The following MYO7B variants were observed in gnomAD, a reference collection of about 807,000 sequenced individuals.
MYO7B encodes myosin VIIB.
MYO7B carries 212 observed loss-of-function variants against 259.7 expected under a neutral mutation model. That is an observed-to-expected ratio of 0.82 (90% CI 0.73 to 0.91). The LOEUF (loss-of-function observed/expected upper bound fraction) is 0.91. MYO7B is among the 40% of genes least tolerant of loss of function. The pLI is 0.00. For synonymous variants in MYO7B, 1,197 were observed against 1,166.4 expected (o/e 1.03, Z -0.54); for missense variants, 2,732 against 2,813.5 (o/e 0.97, Z 0.66).
intron 15 of MYO7B, among the ~76,000 whole-genome samples, chr2:127,588,773 T>G (rs1573659297): frequency 2.0e-5 from 1 of 49,358 alleles, no homozygotes. Flanking sequence ...GGTGAGTGGA[T>G]GGATGGGTGG....
At position 127,612,468 on chromosome 2, in the gene MYO7B, G is replaced by T; in HGVS notation, c.3271-8G>T. ...TAGCTGTCCTGATGGCTGCCTTTGG[G>T]TTTCAAGGTGGCCAGCCAGCTGAAC... On this transcript the variant is annotated splice_polypyrimidine_tract_variant and splice_region_variant and intron_variant, in intron 25 of 47. Coordinates refer to ENST00000409816, the MANE Select transcript of MYO7B (RefSeq NM_001393586.1). The T allele has an allele frequency of 6.4e-7, 1 of 1,552,328 alleles. No individual in the cohort carries two copies. Among genetic ancestry groups the T allele is most frequent in the East Asian group, 2.4e-5 (1 of 40,954 alleles).
At chr2:127,545,684 C>T (rs1220484617) in intron 1 of MYO7B, among the ~76,000 whole-genome samples, 1 of 152,198 alleles carries the variant, frequency 6.6e-6, no homozygotes, top group African/African-American at 2.4e-5. Context: ...TGCCAAGGCT[C>T]AGTTTTTCCA....
At chr2:127,592,225 C>A (rs1679584622) in intron 16 of MYO7B, among the ~76,000 whole-genome samples, 1 of 152,142 alleles carries the variant, frequency 6.6e-6, no homozygotes, top group Admixed American at 6.5e-5. Flanking sequence ...GAAACTCCGT[C>A]TTTAACTAAA....
At chr2:127,553,941 G>A (rs1456456795) in intron 1 of MYO7B, among the ~76,000 whole-genome samples, 5 of 152,142 alleles carry the variant, frequency 3.3e-5, no homozygotes, top group Non-Finnish European at 5.9e-5. Flanking sequence ...CTTGTATGCC[G>A]ATTTTGCTAA....
Position 127,636,266 on chromosome 2 carries a change from C to A in MYO7B, c.6065C>A (p.Ala2022Asp), listed in dbSNP as rs1311344856. 1.2e-6 allele frequency: 2 copies of A among 1,613,660 alleles called. No homozygotes were observed. Among genetic ancestry groups the A allele is most frequent in the East Asian group, 2.2e-5 (1 of 44,864 alleles). The stretch of plus-strand genomic sequence containing the variant: ...AAGACAGTGGAGGAGGCCAAGGTGG[C>A]CTTCCTGAAGTGGATCTGCCGGTGG... ...KDKTVEEAKV[A>D]FLKWICRWPT... The change falls in exon 45 of 48, where the codon GCC becomes GAC. Residue 2022 changes from alanine to aspartate, a missense_variant. Coordinates refer to ENST00000409816, the MANE Select transcript of MYO7B (RefSeq NM_001393586.1). The surrounding 1 kb of genome is among the most constrained non-coding windows in gnomAD (Gnocchi z 4.5).
chr2:127,599,737 T>A (rs1003405934), intron 19 of MYO7B, among the ~76,000 whole-genome samples: 4 of 152,236 alleles, frequency 2.6e-5, no homozygotes, highest in Non-Finnish European at 5.9e-5. Flanking sequence ...AAGTGTTGAA[T>A]GTCAATTTTT....
At chr2:127,587,353 G>A (rs1679343402) in intron 14 of MYO7B, among the ~76,000 whole-genome samples, 1 of 152,184 alleles carries the variant, frequency 6.6e-6, no homozygotes, top group Non-Finnish European at 1.5e-5. Context: ...TAGGGCAGCA[G>A]TAACAAACAC....
chr2:127,605,968 CG>C, intron 20 of MYO7B, 40 bp downstream of exon 20: 3 of 1,511,614 alleles, frequency 2.0e-6, no homozygotes, highest in East Asian at 2.3e-5. Context: ...GCGGGACCAG[CG>C]GGTAACTGTC....
chr2:127,636,646 G>A lies in MYO7B; in HGVS notation c.6207+18G>A, dbSNP rs200291488. ...AGACCAAGGTAGCTGCTGGGCCTCC[G>A]GAGGGGCTGGGGGCCACCAGGTCCA... is the stretch of plus-strand genomic sequence containing the variant. On this transcript the variant is annotated intron_variant, in intron 46 of 47. Coordinates refer to ENST00000409816, the MANE Select transcript of MYO7B (RefSeq NM_001393586.1). The surrounding 1 kb of genome is among the most constrained non-coding windows in gnomAD (Gnocchi z 4.5). 4.2e-5 allele frequency: 68 copies of A among 1,609,340 alleles called. No homozygotes were observed. Among genetic ancestry groups the A allele is most frequent in the Middle Eastern group, 1.7e-4 (1 of 6,050 alleles).
At position 127,574,075 on chromosome 2, in the gene MYO7B, C is replaced by A. The variant is rs1390544954; in HGVS notation, c.735+13C>A. On this transcript the variant is annotated intron_variant, in intron 7 of 47. Coordinates refer to ENST00000409816, the MANE Select transcript of MYO7B (RefSeq NM_001393586.1). ...GGTCTGCCGGCAGGTGAGGCCTCCC[C>A]CTTCCCAGGTCGGGAGTTGAGGGAA... The A allele has an allele frequency of 3.1e-6, 5 of 1,613,736 alleles. No individual in the cohort carries two copies. Among genetic ancestry groups the A allele is most frequent in the Non-Finnish European group, 3.4e-6 (4 of 1,179,808 alleles).
chr2:127,627,140 C>T lies in MYO7B; in HGVS notation c.4334-44C>T. ...AGGGAGCAGGTATGGGCTGGGCACC[C>T]AGGGGTCCCATGCAGCCTTCACACT... is the stretch of plus-strand genomic sequence containing the variant. On this transcript the variant is annotated intron_variant, in intron 32 of 47. Coordinates refer to ENST00000409816, the MANE Select transcript of MYO7B (RefSeq NM_001393586.1). The surrounding 1 kb of genome is among the most constrained non-coding windows in gnomAD (Gnocchi z 5.6). The T allele has an allele frequency of 1.2e-6, 2 of 1,603,856 alleles. No homozygotes were observed. The highest frequency in any genetic ancestry group is 1.7e-4 in the Middle Eastern group (1 of 6,052).
intron 1 of MYO7B, among the ~76,000 whole-genome samples, chr2:127,543,107 C>T (rs1245559542): frequency 6.6e-6 from 1 of 152,212 alleles, no homozygotes; most frequent in Non-Finnish European, 1.5e-5. Flanking sequence ...TACTAATCCT[C>T]CTCAGCACAG....
Position 127,577,066 on chromosome 2 carries a change from G to T in MYO7B, c.849+358G>T, listed in dbSNP as rs1173772824. ...TCACTCCAATTGTCTGTCCTTGCAG[G>T]CCCCCTAAAACGTAAGCCCCGGGCC... On this transcript the variant is annotated intron_variant, in intron 8 of 47. Transcript: ENST00000409816. This position sits in a 1 kb window ranked among gnomAD's most constrained non-coding sequence, Gnocchi z 5.2. Among the ~76,000 whole-genome samples the T allele has an allele frequency of 4.6e-5, 7 of 151,980 alleles. No homozygotes were observed. Among genetic ancestry groups the T allele is most frequent in the Admixed American group, 1.3e-4 (2 of 15,260 alleles).
At position 127,636,823 on chromosome 2, in the gene MYO7B, G is replaced by C. The variant is rs1217399055; in HGVS notation, c.6237G>C (p.Lys2079Asn). 1 of 1,509,776 alleles carries C rather than the reference G, an allele frequency of 6.6e-7. No individual in the cohort carries two copies. Among genetic ancestry groups the C allele is most frequent in the East Asian group, 2.7e-5 (1 of 36,704 alleles). The allele number at this position is 1,509,776 out of a possible 1,614,324, so 93.5% of individuals were successfully genotyped here. A position where few individuals can be genotyped will look rare whatever the true frequency, so the allele number is the denominator to read the frequency against. ...KDLLTTYPFT[K>N]ISSWSSGSTY... Reference sequence around the variant, plus strand: ...TGCTCACCACCTATCCCTTCACCAAGATCTCCAGCTGGAGCAGCGGCAGCA... The same window carrying C: ...TGCTCACCACCTATCCCTTCACCAACATCTCCAGCTGGAGCAGCGGCAGCA... Residue 2079 changes from lysine to asparagine, a missense_variant, in exon 47 of 48, where the codon AAG (lysine) becomes AAC (asparagine). This residue lies in a region of MYO7B where 821 missense variants were observed against 769.3 expected (regional missense o/e 1.07). Coordinates refer to ENST00000409816, the MANE Select transcript of MYO7B (RefSeq NM_001393586.1). The surrounding 1 kb of genome is among the most constrained non-coding windows in gnomAD (Gnocchi z 4.5).
intron 10 of MYO7B, 139 bp downstream of exon 10, chr2:127,580,961 T>G: frequency 1.2e-6 from 1 of 838,248 alleles, no homozygotes. Flanking sequence ...ACCCCTCCCT[T>G]CTGTATACTG....
Position 127,539,717 on chromosome 2 carries a change from T to A in MYO7B, c.-24+3886T>A, listed in dbSNP as rs148510065. 8.9e-4 allele frequency among the ~76,000 whole-genome samples: 135 copies of A among 152,148 alleles called. 1 individual carries two copies. The East Asian group carries it at 0.012, about 13-fold the overall frequency. ...AACTCCATAGTTTTTAAGGTACAGG[T>A]GTTTTTTGGTTACATGGATAAGTTC... On this transcript the variant is annotated intron_variant, in intron 1 of 47. Transcript: ENST00000409816. This position sits in a 1 kb window ranked among gnomAD's most constrained non-coding sequence, Gnocchi z 4.0.
Position 127,559,295 on chromosome 2 carries a change from A to C in MYO7B, c.-23-405A>C, listed in dbSNP as rs1677969503. On this transcript the variant is annotated intron_variant, in intron 1 of 47. Coordinates refer to ENST00000409816, the MANE Select transcript of MYO7B (RefSeq NM_001393586.1). The surrounding 1 kb of genome is among the most constrained non-coding windows in gnomAD (Gnocchi z 4.1). ...CCATGTCTAAAGTGAGGGAACACGC[A>C]CATTCTGCAGTGCTGTGAGGCTTAA... Among the ~76,000 whole-genome samples the C allele has an allele frequency of 6.6e-6, 1 of 152,240 alleles. No individual in the cohort carries two copies. Among genetic ancestry groups the C allele is most frequent in the African/African-American group, 2.4e-5 (1 of 41,468 alleles).
At position 127,584,872 on chromosome 2, in the gene MYO7B, G is replaced by A; in HGVS notation, c.1649G>A (p.Gly550Asp). 1 of 1,613,930 alleles carries A rather than the reference G, an allele frequency of 6.2e-7. No individual in the cohort carries two copies. ...AAGAACATCCACGATGCCAGATTTG[G>A]CATTGCCCATTTTGCCGGCGAGGTG... ...QPKNIHDARFGIAHFAGEVYY... is the reference protein window; with the variant it reads ...QPKNIHDARFDIAHFAGEVYY... Residue 550 changes from glycine to aspartate, a missense_variant, in exon 14 of 48, where the codon GGC becomes GAC. Gly to Asp is a moderately conservative substitution (Grantham distance 94). Coordinates refer to ENST00000409816, the MANE Select transcript of MYO7B (RefSeq NM_001393586.1). The surrounding 1 kb of genome is among the most constrained non-coding windows in gnomAD (Gnocchi z 5.8).
intron 1 of MYO7B, among the ~76,000 whole-genome samples, chr2:127,552,754 G>C (rs1693495486): frequency 6.6e-6 from 1 of 152,138 alleles, no homozygotes; most frequent in Non-Finnish European, 1.5e-5. Context: ...AGCAACAATG[G>C]GCAGCCAGAG....
Sources: gnomAD v4.1 joint callset for allele counts (sites outside exome capture counted in the v4.1 genomes callset) on GRCh38, gnomAD v4.1.1 for gene constraint, gnomAD v4.1.1 regional missense constraint, Gnocchi (gnomAD v3.1) non-coding constraint, MANE v1.5 for transcripts, NCBI Gene and HGNC (gene_info 2026-07-23, HGNC 2026-07-21) for gene names.